Variants in FNDC1 observed in about 807,000 individuals in gnomAD.
The protein encoded by FNDC1 is fibronectin type III domain containing 1.
Under a neutral mutation model 168.0 loss-of-function variants are expected in FNDC1, and 96 were observed. The observed-to-expected ratio is 0.57, with a 90% CI of 0.48 to 0.68. The LOEUF is 0.68. Ranked by LOEUF, FNDC1 falls within the 30% of genes least tolerant of loss-of-function variation. The pLI is 0.00. For synonymous variants in FNDC1, 1,099 were observed against 1,025.9 expected (o/e 1.07, Z -1.36); for missense variants, 2,587 against 2,482.1 (o/e 1.04, Z -0.90).
chr6:159,269,502 C>CCATG (rs1461892745), intron 22 of FNDC1, among the ~76,000 whole-genome samples: 1,774 of 91,688 alleles, frequency 0.019, 33 homozygotes, highest in Non-Finnish European at 0.03. Flanking sequence ...ATCTATCTAT[C>CCATG]CATCCATCCA....
chr6:159,268,850 A>G (rs1463130908), intron 22 of FNDC1, among the ~76,000 whole-genome samples: 1 of 68,282 alleles, frequency 1.5e-5, no homozygotes, highest in Non-Finnish European at 3.7e-5. Flanking sequence ...CTATCTATCT[A>G]TCTATCTATC....
Position 159,263,034 on chromosome 6 carries a change from TA to T in FNDC1, c.5254+1767del, listed in dbSNP as rs562001198. On this transcript the variant is annotated intron_variant, in intron 19 of 22. Transcript: ENST00000297267. ...TTGCCAAACATAACAATTGGAAAAT[TA>T]ATATAGAAAGTCAACGTAGTGTGTG... Among the ~76,000 whole-genome samples the T allele has an allele frequency of 3.3e-5, 5 of 152,332 alleles. No homozygotes were observed. The South Asian group carries it at 8.3e-4, about 25-fold the overall frequency.
intron 1 of FNDC1, among the ~76,000 whole-genome samples, chr6:159,187,448 A>G (rs948444902): frequency 6.6e-6 from 1 of 152,138 alleles, no homozygotes; most frequent in East Asian, 1.9e-4. Flanking sequence ...CTAGGGTTTG[A>G]TTTTATTTTT....
At chr6:159,221,786 A>G in intron 6 of FNDC1, 90 bp downstream of exon 6, 2 of 1,036,278 alleles carry the variant, frequency 1.9e-6, no homozygotes, top group African/African-American at 1.6e-5. Flanking sequence ...GATGAATTAC[A>G]TGAATTTTAT....
chr6:159,181,467 G>A (rs1325358428), intron 1 of FNDC1, among the ~76,000 whole-genome samples: 1 of 152,226 alleles, frequency 6.6e-6, no homozygotes, highest in Non-Finnish European at 1.5e-5. Flanking sequence ...GCAGGGCACT[G>A]TGCTAGGCTC....
intron 4 of FNDC1, among the ~76,000 whole-genome samples, chr6:159,204,610 C>T (rs1045983843): frequency 2.6e-5 from 4 of 152,228 alleles, no homozygotes; most frequent in South Asian, 2.1e-4. Context: ...CCCGTCATTT[C>T]AGCGGCCTCA....
chr6:159,204,585 A>T (rs921038039), intron 4 of FNDC1, among the ~76,000 whole-genome samples: 1 of 151,992 alleles, frequency 6.6e-6, no homozygotes, highest in African/African-American at 2.4e-5. Flanking sequence ...ACCACACTCC[A>T]CATGCAGGTC....
At chr6:159,226,430 C>G in intron 8 of FNDC1, 43 bp from the exon 9 acceptor site, 1 of 1,473,080 alleles carries the variant, frequency 6.8e-7, no homozygotes. Flanking sequence ...CTAGAATGTC[C>G]GGTAAGGCAT....
chr6:159,225,567 A>C lies in FNDC1; in HGVS notation c.917A>C (p.Glu306Ala), dbSNP rs1296374810. The C allele has an allele frequency of 6.2e-7, 1 of 1,613,436 alleles. No individual in the cohort carries two copies. The highest frequency in any genetic ancestry group is 1.1e-5 in the South Asian group (1 of 90,992). The change falls in exon 8 of 23, where the codon GAA (glutamate) becomes GCA (alanine). Residue 306 changes from glutamate (E) to alanine (A), a missense_variant. Glu to Ala is a moderately radical substitution (Grantham distance 107). Coordinates refer to ENST00000297267, the MANE Select transcript of FNDC1 (RefSeq NM_032532.3). ...QYTVRYREKG[E>A]LARWDYKQIA... ...ACCGTGCGCTATCGAGAGAAGGGGGAATTGGCCAGGTGGGATTATAAGCAG... is the reference window on the plus strand; with the variant it reads ...ACCGTGCGCTATCGAGAGAAGGGGGCATTGGCCAGGTGGGATTATAAGCAG...
At chr6:159,222,553 G>A (rs1027209098) in intron 6 of FNDC1, among the ~76,000 whole-genome samples, 4 of 152,184 alleles carry the variant, frequency 2.6e-5, no homozygotes, top group African/African-American at 9.7e-5. Flanking sequence ...AGACTACAGA[G>A]TAATATTGAA....
At chr6:159,268,755 A>G (rs186679699) in intron 22 of FNDC1, among the ~76,000 whole-genome samples, 40 of 149,654 alleles carry the variant, frequency 2.7e-4, no homozygotes, top group Admixed American at 1.3e-3. Context: ...CCATCCATGT[A>G]TCTATTATTA....
rs750568232 is a variant in FNDC1, at chr6:159,232,292, A to G, written c.1780A>G (p.Arg594Gly). Residue 594 changes from arginine to glycine, a missense_variant, in exon 11 of 23, where the codon AGG becomes GGG. Transcript: ENST00000297267. This position sits in a 1 kb window ranked among gnomAD's most constrained non-coding sequence, Gnocchi z 4.9. ...GGCCCGGATGCCAGCGCTGCCCCGA[A>G]GGGAAGGCGTAGATAAGCCTGGCTT... ...VRARMPALPR[R>G]EGVDKPGFSL... is the part of the protein sequence containing the mutation. 1 of 1,611,906 alleles carries G rather than the reference A, an allele frequency of 6.2e-7. No individual in the cohort carries two copies.
chr6:159,228,884 C>T (rs1273131317), intron 9 of FNDC1, among the ~76,000 whole-genome samples: 1 of 152,070 alleles, frequency 6.6e-6, no homozygotes, highest in Non-Finnish European at 1.5e-5. Context: ...CCCTGCTGGC[C>T]AGGGTGGTCT....
intron 10 of FNDC1, 101 bp downstream of exon 10, chr6:159,230,104 A>C: frequency 9.4e-7 from 1 of 1,066,294 alleles, no homozygotes; most frequent in Non-Finnish European, 1.3e-6. Context: ...ACTGCTCAGC[A>C]GATGATTTTT....
intron 13 of FNDC1, among the ~76,000 whole-genome samples, chr6:159,239,100 C>G (rs1386335463): frequency 6.6e-6 from 1 of 152,212 alleles, no homozygotes; most frequent in East Asian, 1.9e-4. Flanking sequence ...ACACAATACA[C>G]TCACTTAATT....
Position 159,193,686 on chromosome 6 carries a change from T to A in FNDC1, c.110-3745T>A, listed in dbSNP as rs574892886. 4.3e-4 allele frequency among the ~76,000 whole-genome samples: 66 copies of A among 152,306 alleles called. 1 individual carries two copies. In the South Asian group the frequency reaches 0.013, roughly 31 times the overall value. On this transcript the variant is annotated intron_variant, in intron 1 of 22. Transcript: ENST00000297267. ...ACTGAAGACTCTTCAAGGACAGACA[T>A]TGAAGAGCCATTGGAATCTTGGAAT...
At position 159,169,754 on chromosome 6, in the gene FNDC1, C is replaced by T; in HGVS notation, c.109+49C>T. The T allele has an allele frequency of 1.3e-6, 1 of 758,034 alleles. No individual in the cohort carries two copies. Among genetic ancestry groups the T allele is most frequent in the Non-Finnish European group, 1.7e-6 (1 of 582,122 alleles). 47.0% of individuals were successfully genotyped at this position (758,034 alleles called of 1,614,324 possible). A position where few individuals can be genotyped will look rare whatever the true frequency, so the allele number is the denominator to read the frequency against. ...GGCGCTCCTCAGCTCCCCGCGCACC[C>T]TCCTGCGCTCGGGCCCCGTCGTCCC... On this transcript the variant is annotated intron_variant, in intron 1 of 22. Coordinates refer to ENST00000297267, the MANE Select transcript of FNDC1 (RefSeq NM_032532.3). The surrounding 1 kb of genome is among the most constrained non-coding windows in gnomAD (Gnocchi z 6.8).
At chr6:159,243,415 A>AGTTT (rs1783471313) in intron 14 of FNDC1, 1 of 152,248 alleles carries the variant, frequency 6.6e-6, no homozygotes, top group Non-Finnish European at 1.5e-5. Flanking sequence ...AATATCCCTG[A>AGTTT]GTTTCAAATG....
At chr6:159,252,340 T>C (rs1350687247) in intron 17 of FNDC1, among the ~76,000 whole-genome samples, 1 of 152,224 alleles carries the variant, frequency 6.6e-6, no homozygotes, top group Non-Finnish European at 1.5e-5. Flanking sequence ...TCTGCCATTA[T>C]TGTGCTAGTG....
Sources: gnomAD v4.1 joint callset for allele counts (sites outside exome capture counted in the v4.1 genomes callset) on GRCh38, gnomAD v4.1.1 for gene constraint, Gnocchi (gnomAD v3.1) non-coding constraint, MANE v1.5 for transcripts, NCBI Gene and HGNC (gene_info 2026-07-23, HGNC 2026-07-21) for gene names.